The following PRKCZ variants were observed in gnomAD, a reference collection of about 807,000 sequenced individuals.
PRKCZ encodes protein kinase C zeta type.
In PRKCZ, 33 loss-of-function variants were observed where a neutral mutation model predicts 79.5. That is an observed-to-expected ratio of 0.41 (90% CI 0.31 to 0.55). PRKCZ has a LOEUF of 0.55. PRKCZ is among the 20% of genes least tolerant of loss of function. The probability of loss-of-function intolerance (pLI) is 0.19; values close to 1 mark genes in which losing one functional copy is unlikely to be tolerated. For synonymous variants in PRKCZ, 342 were observed against 320.9 expected (o/e 1.07, Z -0.70); for missense variants, 578 against 813.5 (o/e 0.71, Z 3.52).
intron 4 of PRKCZ, among the ~76,000 whole-genome samples, chr1:2,112,472 C>A (rs1038511993): frequency 6.6e-6 from 1 of 152,150 alleles, no homozygotes; most frequent in African/African-American, 2.4e-5. Context: ...TGCTGAGGAC[C>A]CCTCAGTCCA....
chr1:2,059,767 G>A (rs1267069425), intron 4 of PRKCZ, among the ~76,000 whole-genome samples, 176 bp downstream of exon 4: 3 of 152,204 alleles, frequency 2.0e-5, no homozygotes, highest in African/African-American at 4.8e-5. Flanking sequence ...CTGCCTGTGC[G>A]TGTTCTGGCT....
At chr1:2,112,584 C>T (rs150906137) in intron 4 of PRKCZ, among the ~76,000 whole-genome samples, 36 of 152,252 alleles carry the variant, frequency 2.4e-4, no homozygotes, top group Middle Eastern at 6.8e-3. Context: ...TCCTCCTTCT[C>T]TGGATGCCTG....
chr1:2,126,559 C>T (rs1468573457), intron 4 of PRKCZ, among the ~76,000 whole-genome samples: 6 of 152,156 alleles, frequency 3.9e-5, no homozygotes, highest in South Asian at 2.1e-4. Context: ...GCCCTGGGCC[C>T]GTGATGTCAC....
At position 2,165,823 on chromosome 1, in the gene PRKCZ, G is replaced by T. The variant is rs1251412964; in HGVS notation, c.975-3695G>T. 3.3e-5 allele frequency among the ~76,000 whole-genome samples: 5 copies of T among 152,180 alleles called. No individual in the cohort carries two copies. The highest frequency in any genetic ancestry group is 7.4e-5 in the Non-Finnish European group (5 of 68,020). Reference sequence around the variant, plus strand: ...AGCCGGGCACCTTGCATTCCTGGAAGGGGTGGGGGGAGTGGCGAGGAGGGG... The same window carrying T: ...AGCCGGGCACCTTGCATTCCTGGAATGGGTGGGGGGAGTGGCGAGGAGGGG... On this transcript the variant is annotated intron_variant, in intron 10 of 17. Transcript: ENST00000378567. This position sits in a 1 kb window ranked among gnomAD's most constrained non-coding sequence, Gnocchi z 4.1.
At chr1:2,063,798 G>T (rs894115985) in intron 4 of PRKCZ, among the ~76,000 whole-genome samples, 2 of 151,476 alleles carry the variant, frequency 1.3e-5, no homozygotes, top group Non-Finnish European at 2.9e-5. Flanking sequence ...TCATTTCCCT[G>T]GTGATAAGTG....
chr1:2,089,154 G>A (rs1489118775), intron 4 of PRKCZ, among the ~76,000 whole-genome samples: 1 of 152,192 alleles, frequency 6.6e-6, no homozygotes, highest in Admixed American at 6.5e-5. Flanking sequence ...TCCTTAGCCG[G>A]GGTCAGCTCT....
intron 3 of PRKCZ, among the ~76,000 whole-genome samples, chr1:2,059,177 T>C (rs1660448634): frequency 6.6e-6 from 1 of 152,238 alleles, no homozygotes; most frequent in African/African-American, 2.4e-5. Context: ...TTGAACTCTG[T>C]CTTGAGTATG....
intron 4 of PRKCZ, among the ~76,000 whole-genome samples, chr1:2,061,920 G>T (rs529360084): frequency 6.6e-6 from 1 of 152,316 alleles, no homozygotes; most frequent in East Asian, 1.9e-4. Flanking sequence ...TAGCGCCTGT[G>T]GGGGTGTTCA....
chr1:2,062,654 C>T (rs946183996), intron 4 of PRKCZ, among the ~76,000 whole-genome samples: 5 of 151,482 alleles, frequency 3.3e-5, no homozygotes, highest in Admixed American at 1.3e-4. Context: ...CACACTTGGC[C>T]GAGTTTTTCT....
chr1:2,059,583 G>A lies in PRKCZ; in HGVS notation c.326G>A (p.Gly109Glu). 1 of 1,614,242 alleles carries A rather than the reference G, an allele frequency of 6.2e-7. No homozygotes were observed. The highest frequency in any genetic ancestry group is 8.5e-7 in the Non-Finnish European group (1 of 1,180,022). Residue 109 changes from glycine to glutamate, a missense_variant, in exon 4 of 18, where the codon GGA (glycine) becomes GAA (glutamate). Gly to Glu is a moderately conservative substitution (Grantham distance 98). Around this residue, in one of 4 missense-constraint regions of PRKCZ, gnomAD observed 228 missense variants for 211.6 expected, o/e 1.08. Coordinates refer to ENST00000378567, the MANE Select transcript of PRKCZ (RefSeq NM_002744.6). ...GAGCAGCCTGGCCTGCCATGTCCGG[G>A]AGAAGACAGTGAGTACTGGGGTTTC... is the stretch of plus-strand genomic sequence containing the variant. The part of the protein sequence containing the change: ...TPEQPGLPCP[G>E]EDKSIYRRGA...
intron 9 of PRKCZ, among the ~76,000 whole-genome samples, chr1:2,153,139 C>T (rs1401815935): frequency 1.3e-5 from 2 of 152,234 alleles, no homozygotes; most frequent in Non-Finnish European, 2.9e-5. Context: ...CTCAGTGACG[C>T]GTGTGATTGT....
At chr1:2,117,029 A>G (rs1670881811) in intron 4 of PRKCZ, among the ~76,000 whole-genome samples, 1 of 152,002 alleles carries the variant, frequency 6.6e-6, no homozygotes, top group African/African-American at 2.4e-5. Flanking sequence ...GGCTCACTGC[A>G]GCCTTGACCT....
At chr1:2,069,454 C>T (rs935391269) in intron 4 of PRKCZ, among the ~76,000 whole-genome samples, 2 of 152,194 alleles carry the variant, frequency 1.3e-5, no homozygotes, top group Admixed American at 6.5e-5. Flanking sequence ...CTTGAGCAAA[C>T]GACCTGTTTA....
intron 10 of PRKCZ, chr1:2,156,359 G>A: frequency 2.8e-6 from 1 of 356,950 alleles, no homozygotes; most frequent in Non-Finnish European, 5.4e-6. Context: ...AGGTGCTGGG[G>A]CTACAAAAGT....
intron 4 of PRKCZ, among the ~76,000 whole-genome samples, chr1:2,118,581 C>A (rs1302844871): frequency 1.3e-5 from 2 of 152,026 alleles, no homozygotes; most frequent in African/African-American, 4.8e-5. Context: ...TCCTGATCCG[C>A]CTGCTTCGGC....
intron 4 of PRKCZ, among the ~76,000 whole-genome samples, chr1:2,087,533 G>C (rs978409664): frequency 6.6e-6 from 1 of 152,150 alleles, no homozygotes; most frequent in Non-Finnish European, 1.5e-5. Context: ...GGGCTTCTGT[G>C]TCTCTCCTAC....
At chr1:2,051,219 C>T (rs557113723) in intron 1 of PRKCZ, among the ~76,000 whole-genome samples, 6 of 151,606 alleles carry the variant, frequency 4.0e-5, no homozygotes, top group Non-Finnish European at 8.8e-5. Context: ...CTGGAGGAGA[C>T]GGTGGGGCCG....
chr1:2,167,914 AG>A (rs1338538992), intron 10 of PRKCZ, among the ~76,000 whole-genome samples: 2 of 152,142 alleles, frequency 1.3e-5, no homozygotes, highest in South Asian at 2.1e-4. Context: ...AGGCACTCTA[AG>A]GGTTTTGAAT....
At chr1:2,181,649 G>A in intron 16 of PRKCZ, 1 of 331,862 alleles carries the variant, frequency 3.0e-6, no homozygotes, top group Non-Finnish European at 6.0e-6. Flanking sequence ...GGGAAACTGA[G>A]GCAATCTTGA....
Sources: gnomAD v4.1 joint callset for allele counts (sites outside exome capture counted in the v4.1 genomes callset) on GRCh38, gnomAD v4.1.1 for gene constraint, gnomAD v4.1.1 regional missense constraint, Gnocchi (gnomAD v3.1) non-coding constraint, MANE v1.5 for transcripts, NCBI Gene and HGNC (gene_info 2026-07-23, HGNC 2026-07-21) for gene names.